DAAM2: variants seen among roughly 807,000 people sequenced by gnomAD.
The protein encoded by DAAM2 is dishevelled associated activator of morphogenesis 2.
A neutral mutation model predicts 120.7 loss-of-function variants in DAAM2; 39 were observed. That is an observed-to-expected ratio of 0.32 (90% CI 0.25 to 0.42). The LOEUF is 0.42. Among genes scored for constraint, DAAM2 ranks in the 10% least tolerant of loss-of-function variants. DAAM2 has a pLI of 1.00. For synonymous variants in DAAM2, 488 were observed against 524.9 expected, an observed-to-expected ratio of 0.93 and a Z score of 0.96; for missense variants, 1,283 against 1,401.7, an observed-to-expected ratio of 0.92 and a Z score of 1.35.
In DAAM2 at chr6:39,878,207, A is replaced by G. The variant is rs752273213; in HGVS notation, c.1306A>G (p.Ile436Val). 2 of 1,613,982 alleles carry G rather than the reference A, an allele frequency of 1.2e-6. No individual in the cohort carries two copies. Among genetic ancestry groups the G allele is most frequent in the East Asian group, 4.5e-5 (2 of 44,866 alleles). Residue 436 changes from isoleucine (I) to valine (V), a missense_variant, in exon 12 of 25, where the codon ATC becomes GTC. Physicochemically the swap from Ile to Val is conservative, Grantham distance 29 (BLOSUM62 3). This residue lies in a region of DAAM2 where 338 missense variants were observed against 443.9 expected (regional missense o/e 0.76). Coordinates refer to ENST00000274867, the MANE Select transcript of DAAM2 (RefSeq NM_001201427.2). The surrounding 1 kb of genome is among the most constrained non-coding windows in gnomAD (Gnocchi z 5.0). ...FNVKNIVNMLINENEVKQWRD... is the reference protein window; with the variant it reads ...FNVKNIVNMLVNENEVKQWRD... ...CTTCCCTCTATGCCCTGCCAGGCTC[A>G]TCAACGAGAATGAAGTGAAACAGTG... is the stretch of plus-strand genomic sequence containing the variant.
At position 39,900,220 on chromosome 6, in the gene DAAM2, C is replaced by A; in HGVS notation, c.2811+12C>A. On this transcript the variant is annotated intron_variant, in intron 23 of 24. Coordinates refer to ENST00000274867, the MANE Select transcript of DAAM2 (RefSeq NM_001201427.2). ...AGGCCAGGGACAAGGTAAGGGTGCCCCAACCCCCACTGCTTGCCAACCCAG... is the reference window on the plus strand; with the variant it reads ...AGGCCAGGGACAAGGTAAGGGTGCCACAACCCCCACTGCTTGCCAACCCAG... The A allele has an allele frequency of 6.2e-7, 1 of 1,607,994 alleles. No homozygotes were observed. The highest frequency in any genetic ancestry group is 8.5e-7 in the Non-Finnish European group (1 of 1,177,500).
intron 1 of DAAM2, among the ~76,000 whole-genome samples, chr6:39,799,293 A>G (rs547280246): frequency 3.3e-5 from 5 of 152,194 alleles, no homozygotes; most frequent in Non-Finnish European, 5.9e-5. Context: ...TAGGCTTTTC[A>G]TGGATATGTG....
At chr6:39,872,046 T>G (rs1489802235) in intron 9 of DAAM2, among the ~76,000 whole-genome samples, 1 of 151,884 alleles carries the variant, frequency 6.6e-6, no homozygotes, top group African/African-American at 2.4e-5. Context: ...GGCCTTTTTG[T>G]TCTCTCCAGA....
At chr6:39,837,536 G>T (rs961884371) in intron 1 of DAAM2, among the ~76,000 whole-genome samples, 1 of 151,674 alleles carries the variant, frequency 6.6e-6, no homozygotes, top group Non-Finnish European at 1.5e-5. Context: ...GGTGGCATGC[G>T]CCTGTAATCC....
At chr6:39,900,890 C>T (rs1160928270) in intron 23 of DAAM2, among the ~76,000 whole-genome samples, 1 of 152,146 alleles carries the variant, frequency 6.6e-6, no homozygotes, top group Non-Finnish European at 1.5e-5. Flanking sequence ...CCCAACACCA[C>T]TATGATGTAG....
At chr6:39,860,759 A>G (rs1764177205) in intron 2 of DAAM2, among the ~76,000 whole-genome samples, 169 bp from the exon 3 acceptor site, 1 of 152,162 alleles carries the variant, frequency 6.6e-6, no homozygotes, top group East Asian at 1.9e-4. Flanking sequence ...ATGGGGCTGT[A>G]TCTCTGATAG....
At chr6:39,822,884 C>T (rs956866514) in intron 1 of DAAM2, 1 of 152,262 alleles carries the variant, frequency 6.6e-6, no homozygotes, top group Admixed American at 6.5e-5. Flanking sequence ...GTCCTCACCC[C>T]CAGCCAGAGC....
At chr6:39,833,938 C>G (rs543072930) in intron 1 of DAAM2, among the ~76,000 whole-genome samples, 1 of 152,308 alleles carries the variant, frequency 6.6e-6, no homozygotes, top group East Asian at 1.9e-4. Flanking sequence ...CTGTCATAGT[C>G]TCTACAGATG....
chr6:39,827,841 T>C, intron 1 of DAAM2, among the ~76,000 whole-genome samples: 1 of 126,324 alleles, frequency 7.9e-6, no homozygotes, highest in African/African-American at 4.1e-5. Context: ...ACTTCTTGGG[T>C]CATCTTGCCA....
intron 10 of DAAM2, among the ~76,000 whole-genome samples, chr6:39,874,706 C>G (rs1031832916): frequency 6.6e-6 from 1 of 152,194 alleles, no homozygotes; most frequent in Admixed American, 6.5e-5. Flanking sequence ...AGTCCATGTC[C>G]AGCCAGATGA....
intron 1 of DAAM2, among the ~76,000 whole-genome samples, chr6:39,854,862 C>T (rs1383685894): frequency 1.3e-5 from 2 of 152,100 alleles, no homozygotes; most frequent in African/African-American, 4.8e-5. Context: ...GAAGGACTGT[C>T]CCCTGAGAGT....
At chr6:39,805,654 A>G (rs1385282966) in intron 1 of DAAM2, among the ~76,000 whole-genome samples, 2 of 151,550 alleles carry the variant, frequency 1.3e-5, no homozygotes, top group African/African-American at 4.9e-5. Context: ...TCCTGGGTTC[A>G]AGTGATTTCC....
chr6:39,816,495 C>T (rs764335614), intron 1 of DAAM2, among the ~76,000 whole-genome samples: 3 of 152,148 alleles, frequency 2.0e-5, no homozygotes, highest in Non-Finnish European at 4.4e-5. Context: ...TTACTAGTTA[C>T]GAGAACCACA....
intron 19 of DAAM2, 44 bp downstream of exon 19, chr6:39,891,766 G>T: frequency 6.6e-7 from 1 of 1,504,098 alleles, no homozygotes; most frequent in Non-Finnish European, 9.1e-7. Context: ...AGAGTTATCT[G>T]AGAAAGGCAG....
At chr6:39,795,810 A>G (rs965149974) in intron 1 of DAAM2, among the ~76,000 whole-genome samples, 2 of 152,170 alleles carry the variant, frequency 1.3e-5, no homozygotes, top group Non-Finnish European at 2.9e-5. Flanking sequence ...GAAGTGTGGG[A>G]GAAGAAACCA....
intron 22 of DAAM2, 73 bp downstream of exon 22, chr6:39,899,010 C>A: frequency 7.7e-7 from 1 of 1,300,178 alleles, no homozygotes; most frequent in Non-Finnish European, 1.1e-6. Context: ...GCACCCTAAG[C>A]TCCTACACAG....
chr6:39,890,660 T>C (rs948153870), intron 17 of DAAM2, among the ~76,000 whole-genome samples: 5 of 152,344 alleles, frequency 3.3e-5, no homozygotes, highest in African/African-American at 1.2e-4. Context: ...TTAATCTGAA[T>C]GATGATTCAA....
chr6:39,883,742 C>T (rs893745328), intron 14 of DAAM2: 7 of 527,072 alleles, frequency 1.3e-5, no homozygotes, highest in Admixed American at 6.2e-5. Context: ...TGGCTCCATG[C>T]ACAAGGGAGG....
intron 2 of DAAM2, among the ~76,000 whole-genome samples, chr6:39,859,355 G>A (rs766401458): frequency 5.3e-5 from 8 of 152,192 alleles, no homozygotes; most frequent in Non-Finnish European, 8.8e-5. Context: ...GATTTTGATC[G>A]TGGGAAAGAA....
Sources: gnomAD v4.1 joint callset for allele counts (sites outside exome capture counted in the v4.1 genomes callset) on GRCh38, gnomAD v4.1.1 for gene constraint, gnomAD v4.1.1 regional missense constraint, Gnocchi (gnomAD v3.1) non-coding constraint, MANE v1.5 for transcripts, NCBI Gene and HGNC (gene_info 2026-07-23, HGNC 2026-07-21) for gene names.